HAS2: variants seen among roughly 807,000 people sequenced by gnomAD.
HAS2 encodes HA synthase 2.
A neutral mutation model predicts 51.6 loss-of-function variants in HAS2; 16 were observed. The ratio of observed to expected loss-of-function variants is 0.31; its 90% CI spans 0.21 to 0.47. The LOEUF is 0.47. Among genes scored for constraint, HAS2 ranks in the 20% least tolerant of loss-of-function variants. HAS2 has a pLI of 1.00. For missense variants in HAS2, 361 were observed against 662.6 expected, an observed-to-expected ratio of 0.54 and a Z score of 5.00; for synonymous variants, 228 against 235.5, an observed-to-expected ratio of 0.97 and a Z score of 0.29.
intron 1 of HAS2, among the ~76,000 whole-genome samples, chr8:121,640,447 G>A (rs1185210051): frequency 1.3e-5 from 2 of 150,870 alleles, no homozygotes; most frequent in African/African-American, 4.9e-5. Context: ...GTGTGTGTGG[G>A]AAAAAAAGAA....
chr8:121,638,748 C>A (rs1813046448), intron 1 of HAS2, among the ~76,000 whole-genome samples: 1 of 152,090 alleles, frequency 6.6e-6, no homozygotes, highest in Non-Finnish European at 1.5e-5. Context: ...AAATACAGTA[C>A]CTCAGCTGTA....
At chr8:121,615,133 G>A (rs1337253506) in intron 3 of HAS2, 95 bp from the exon 4 acceptor site, 10 of 790,578 alleles carry the variant, frequency 1.3e-5, no homozygotes, top group Non-Finnish European at 2.0e-5. Flanking sequence ...AGTAATATTT[G>A]TTATTTTATC....
chr8:121,616,627 G>A (rs964475909), intron 3 of HAS2, among the ~76,000 whole-genome samples: 1 of 151,486 alleles, frequency 6.6e-6, no homozygotes, highest in Admixed American at 6.6e-5. Flanking sequence ...GTAGGGATGG[G>A]GTTTCACCAT....
At chr8:121,620,117 G>A (rs576716198) in intron 2 of HAS2, among the ~76,000 whole-genome samples, 1 of 152,284 alleles carries the variant, frequency 6.6e-6, no homozygotes, top group African/African-American at 2.4e-5. Context: ...TCCTGGGAAA[G>A]GGTTTATTAC....
chr8:121,635,877 A>C (rs943572513), intron 1 of HAS2, among the ~76,000 whole-genome samples: 14 of 152,368 alleles, frequency 9.2e-5, no homozygotes, highest in African/African-American at 3.4e-4. Flanking sequence ...CATATGCATG[A>C]TAATTAGAAT....
At chr8:121,615,301 C>CT (rs1812684633) in intron 3 of HAS2, among the ~76,000 whole-genome samples, 1 of 151,894 alleles carries the variant, frequency 6.6e-6, no homozygotes, top group South Asian at 2.1e-4. Flanking sequence ...TTCTGCTATT[C>CT]TTATTCTGTT....
rs1812657384 is a variant in HAS2 at position 121,613,008 on chromosome 8, G to A, written c.*1101C>T. ...TGTAGGTAGGACCCAGTAAATTCAG[G>A]CCACAGAACAAAACCTTTGATAAAC... On this transcript the variant is annotated 3_prime_UTR_variant, in exon 4 of 4. Coordinates refer to ENST00000303924, the MANE Select transcript of HAS2 (RefSeq NM_005328.3). 1 of 151,022 alleles carries A rather than the reference G, an allele frequency of 6.6e-6. No individual in the cohort carries two copies. The allele number at this position is 151,022 out of a possible 1,614,324, so 9.4% of individuals were successfully genotyped here. A position where few individuals can be genotyped will look rare whatever the true frequency, so the allele number is the denominator to read the frequency against.
rs1434842237 is a variant in HAS2 at position 121,614,194 on chromosome 8, A to G, written c.1574T>C (p.Met525Thr). Residue 525 changes from methionine to threonine, a missense_variant, in exon 4 of 4, where the codon ATG becomes ACG. Transcript: ENST00000303924. The surrounding 1 kb of genome is among the most constrained non-coding windows in gnomAD (Gnocchi z 7.2). ...GAGAACTACATACAGCGTCAAAAGC[A>G]TGACCCAATAGCATGCATAGAGCAA... ...GTLLYACYWV[M>T]LLTLYVVLIN... The G allele has an allele frequency of 3.7e-6, 6 of 1,614,232 alleles. No homozygotes were observed. The highest frequency in any genetic ancestry group is 1.7e-5 in the Admixed American group (1 of 60,032).
Position 121,617,086 on chromosome 8 carries a change from A to T in HAS2, c.729+19T>A, listed in dbSNP as rs1474779020. 1 of 1,395,860 alleles carries T rather than the reference A, an allele frequency of 7.2e-7. No homozygotes were observed. The highest frequency in any genetic ancestry group is 2.3e-5 in the East Asian group (1 of 43,858). 86.5% of individuals were successfully genotyped at this position (1,395,860 alleles called of 1,614,324 possible). On this transcript the variant is annotated intron_variant, in intron 3 of 3. Transcript: ENST00000303924. ...AGTATTTCATGCAAAACAAACAAACAAAAAGTGAAGCCATGTACCTGGACA... is the reference window on the plus strand; with the variant it reads ...AGTATTTCATGCAAAACAAACAAACTAAAAGTGAAGCCATGTACCTGGACA...
chr8:121,641,149 T>C lies in HAS2; in HGVS notation c.-297A>G, dbSNP rs888605796. ...AAAATAAATTAACTTTTCTTTTTTCTTTTCTTTTCTTTTTTTTTTTTTTTT... is the reference window on the plus strand; with the variant it reads ...AAAATAAATTAACTTTTCTTTTTTCCTTTCTTTTCTTTTTTTTTTTTTTTT... On this transcript the variant is annotated 5_prime_UTR_variant, in exon 1 of 4. Transcript: ENST00000303924. The C allele has an allele frequency of 4.5e-5, 5 of 112,216 alleles. No homozygotes were observed. Among genetic ancestry groups the C allele is most frequent in the South Asian group, 3.4e-4 (1 of 2,942 alleles). 7.0% of individuals were successfully genotyped at this position (112,216 alleles called of 1,614,324 possible). A position where few individuals can be genotyped will look rare whatever the true frequency, so the allele number is the denominator to read the frequency against.
At chr8:121,625,722 A>G (rs1264187224) in intron 2 of HAS2, among the ~76,000 whole-genome samples, 2 of 136,034 alleles carry the variant, frequency 1.5e-5, no homozygotes, top group African/African-American at 5.7e-5. Context: ...GGTCTCCCTA[A>G]GTTGCTCAGG....
intron 2 of HAS2, 79 bp from the exon 3 acceptor site, chr8:121,617,285 A>C: frequency 1.3e-6 from 1 of 793,154 alleles, no homozygotes; most frequent in Non-Finnish European, 2.1e-6. Flanking sequence ...AATTTCACAT[A>C]CATACTGTGT....
At chr8:121,619,483 T>C (rs17233147) in intron 2 of HAS2, among the ~76,000 whole-genome samples, 2,242 of 152,140 alleles carry the variant, frequency 0.015, 26 homozygotes, top group Non-Finnish European at 0.024. Context: ...AATGAAACCC[T>C]ATTGACTGTC....
At chr8:121,617,489 A>G (rs1812719705) in intron 2 of HAS2, among the ~76,000 whole-genome samples, 1 of 152,148 alleles carries the variant, frequency 6.6e-6, no homozygotes, top group South Asian at 2.1e-4. Flanking sequence ...CCAGTTTGCC[A>G]TAGATGCTCC....
At position 121,618,024 on chromosome 8, in the gene HAS2, G is replaced by A. The variant is rs1434361095; in HGVS notation, c.628-818C>T. Reference sequence around the variant, plus strand: ...AGCCAAAAAAAAAAAAAGCAAGTCCGAAACTAGACCAACCACAACTTCAAG... The same window carrying A: ...AGCCAAAAAAAAAAAAAGCAAGTCCAAAACTAGACCAACCACAACTTCAAG... On this transcript the variant is annotated intron_variant, in intron 2 of 3. Transcript: ENST00000303924. Among the ~76,000 whole-genome samples, 5 of 148,916 alleles carry A rather than the reference G, an allele frequency of 3.4e-5. No homozygotes were observed. The East Asian group carries it at 9.7e-4, about 29-fold the overall frequency.
intron 3 of HAS2, 122 bp from the exon 4 acceptor site, chr8:121,615,160 G>A (rs1184283602): frequency 2.0e-5 from 13 of 648,638 alleles, no homozygotes; most frequent in Non-Finnish European, 2.9e-5. Flanking sequence ...TTTTGGCTTC[G>A]TTCCTCTTTT....
rs1355149549 is a variant in HAS2 at position 121,629,318 on chromosome 8, C to T, written c.23G>A (p.Cys8Tyr). 2.5e-6 allele frequency: 4 copies of T among 1,609,552 alleles called. No individual in the cohort carries two copies. The highest frequency in any genetic ancestry group is 1.3e-5 in the African/African-American group (1 of 74,668). Residue 8 changes from cysteine (C) to tyrosine (Y), a missense_variant, in exon 2 of 4, where the codon TGT becomes TAT. By Grantham distance (194) the Cys-to-Tyr change is radical. Transcript: ENST00000303924. MHCERFLCILRIIGTTLF... is the reference protein window; with the variant it reads MHCERFLYILRIIGTTLF... ...TGTGGTTCCAATTATTCTCAGGATA[C>T]ATAGAAACCTCTCACAATGCATCTG...
At chr8:121,615,556 C>T (rs1812688918) in intron 3 of HAS2, among the ~76,000 whole-genome samples, 1 of 152,088 alleles carries the variant, frequency 6.6e-6, no homozygotes, top group East Asian at 1.9e-4. Context: ...CTCCTGACCT[C>T]AGATGATCTG....
intron 1 of HAS2, among the ~76,000 whole-genome samples, chr8:121,633,710 T>C (rs922491767): frequency 6.6e-6 from 1 of 152,208 alleles, no homozygotes; most frequent in African/African-American, 2.4e-5. Context: ...GGAGCAGATA[T>C]ACAGCCTTGC....
Sources: allele counts gnomAD v4.1 joint callset (sites outside exome capture counted in the v4.1 genomes callset), GRCh38; gene constraint gnomAD v4.1.1; non-coding constraint Gnocchi (gnomAD v3.1); transcripts MANE v1.5; gene names NCBI Gene and HGNC (gene_info 2026-07-23, HGNC 2026-07-21).